The following MTURN variants were observed in gnomAD, a reference collection of about 807,000 sequenced individuals.
The protein encoded by MTURN is maturin.
A neutral mutation model predicts 14.9 loss-of-function variants in MTURN; 7 were observed. The ratio of observed to expected loss-of-function variants is 0.47; its 90% CI spans 0.27 to 0.88. MTURN has a LOEUF of 0.88. MTURN is among the 40% of genes least tolerant of loss of function. The pLI is 0.14. For missense variants in MTURN, 151 were observed against 174.1 expected, an observed-to-expected ratio of 0.87 and a Z score of 0.75; for synonymous variants, 69 against 72.5, an observed-to-expected ratio of 0.95 and a Z score of 0.25.
intron 1 of MTURN, among the ~76,000 whole-genome samples, chr7:30,143,049 C>T (rs968944106): frequency 6.6e-5 from 10 of 152,184 alleles, no homozygotes; most frequent in African/African-American, 2.4e-4. Context: ...ATCCTGTTCT[C>T]AGGAGCACCA....
chr7:30,145,040 G>A (rs544614179), intron 1 of MTURN, among the ~76,000 whole-genome samples: 13 of 144,560 alleles, frequency 9.0e-5, no homozygotes, highest in East Asian at 4.0e-4. Context: ...TGGAAGCCCC[G>A]TGTCCCTGAC....
rs1250618212 is a variant in MTURN at position 30,160,037 on chromosome 7, T to TC, written c.*2490dup. The TC allele has an allele frequency of 6.6e-6, 1 of 152,356 alleles. No individual in the cohort carries two copies. Among genetic ancestry groups the TC allele is most frequent in the Non-Finnish European group, 1.5e-5 (1 of 68,138 alleles). 9.4% of individuals were successfully genotyped at this position (152,356 alleles called of 1,614,324 possible). ...GCAGGAGAGACACCTGGGTTCTAGTTCAAGTCGGCCAAGGACTGTGTGACC... is the reference window on the plus strand; with the variant it reads ...GCAGGAGAGACACCTGGGTTCTAGTTCCAAGTCGGCCAAGGACTGTGTGACC... On this transcript the variant is annotated 3_prime_UTR_variant, in exon 3 of 3. Coordinates refer to ENST00000324453, the MANE Select transcript of MTURN (RefSeq NM_152793.3).
intron 1 of MTURN, among the ~76,000 whole-genome samples, chr7:30,136,503 T>G (rs1334498813): frequency 6.6e-6 from 1 of 152,142 alleles, no homozygotes; most frequent in Non-Finnish European, 1.5e-5. Context: ...GAGACAAAGC[T>G]GGGCCGTGGT....
At chr7:30,155,878 G>A (rs190517457) in intron 2 of MTURN, among the ~76,000 whole-genome samples, 12 of 152,284 alleles carry the variant, frequency 7.9e-5, no homozygotes, top group African/African-American at 2.6e-4. Flanking sequence ...AGAGAGGAAG[G>A]GGGTGGCAGG....
chr7:30,138,280 A>T (rs1375001499), intron 1 of MTURN, among the ~76,000 whole-genome samples: 1 of 151,986 alleles, frequency 6.6e-6, no homozygotes, highest in Non-Finnish European at 1.5e-5. Flanking sequence ...ACGCCCAGCT[A>T]ATTTTTCTAT....
At chr7:30,141,926 A>G (rs914320199) in intron 1 of MTURN, among the ~76,000 whole-genome samples, 12 of 152,192 alleles carry the variant, frequency 7.9e-5, no homozygotes, top group African/African-American at 2.9e-4. Context: ...TGAGTCCCAG[A>G]GCAAGGGCCC....
chr7:30,137,762 T>C (rs887728210), intron 1 of MTURN: 4 of 446,878 alleles, frequency 9.0e-6, no homozygotes, highest in Non-Finnish European at 1.9e-5. Flanking sequence ...CCCTGGAAAA[T>C]GTATTAAGCA....
chr7:30,151,412 A>G (rs1797210316), intron 2 of MTURN, among the ~76,000 whole-genome samples: 1 of 152,212 alleles, frequency 6.6e-6, no homozygotes, highest in Admixed American at 6.5e-5. Flanking sequence ...AGAATGAAAC[A>G]ATGGTTACGG....
chr7:30,149,753 G>C (rs1797180694), intron 2 of MTURN, among the ~76,000 whole-genome samples: 1 of 152,192 alleles, frequency 6.6e-6, no homozygotes, highest in Admixed American at 6.5e-5. Flanking sequence ...TTATCAAGTG[G>C]GTAAAACCAG....
At chr7:30,156,153 A>G (rs974499242) in intron 2 of MTURN, among the ~76,000 whole-genome samples, 1 of 152,156 alleles carries the variant, frequency 6.6e-6, no homozygotes, top group Non-Finnish European at 1.5e-5. Flanking sequence ...GTTCATACTG[A>G]TCAGGCCTAG....
At chr7:30,141,810 A>T (rs1448753803) in intron 1 of MTURN, among the ~76,000 whole-genome samples, 1 of 152,172 alleles carries the variant, frequency 6.6e-6, no homozygotes, top group Non-Finnish European at 1.5e-5. Context: ...GGTGTGAGCC[A>T]CCAGGCCTGG....
In MTURN at chr7:30,161,751, C is replaced by A. The variant is rs139173347; in HGVS notation, c.*4203C>A. The A allele has an allele frequency of 1.3e-5, 2 of 152,346 alleles. No individual in the cohort carries two copies. The highest frequency in any genetic ancestry group is 2.1e-4 in the South Asian group (1 of 4,826). The allele number at this position is 152,346 out of a possible 1,614,324, so 9.4% of individuals were successfully genotyped here. A position where few individuals can be genotyped will look rare whatever the true frequency, so the allele number is the denominator to read the frequency against. On this transcript the variant is annotated 3_prime_UTR_variant, in exon 3 of 3. Transcript: ENST00000324453. ...TCCAAAGAGATGCCATTGCTGATCA[C>A]CCAGTCTTCGGAGAAGCCTAAAATT...
chr7:30,144,565 C>T (rs941725490), intron 1 of MTURN, among the ~76,000 whole-genome samples: 2 of 152,148 alleles, frequency 1.3e-5, no homozygotes, highest in Non-Finnish European at 2.9e-5. Flanking sequence ...AGCTAGAGAG[C>T]CCAGACGTTG....
chr7:30,151,458 C>T (rs939881095), intron 2 of MTURN, among the ~76,000 whole-genome samples: 19 of 152,194 alleles, frequency 1.2e-4, no homozygotes, highest in African/African-American at 4.6e-4. Context: ...TCAGTTTTCC[C>T]CACCATCTTT....
chr7:30,151,769 T>C (rs147667182), intron 2 of MTURN, among the ~76,000 whole-genome samples: 80 of 152,284 alleles, frequency 5.3e-4, no homozygotes, highest in Non-Finnish European at 9.1e-4. Flanking sequence ...CTGTGGTCCT[T>C]GTAGATTCTC....
At chr7:30,145,799 T>G in intron 1 of MTURN, 3 of 1,507,504 alleles carry the variant, frequency 2.0e-6, no homozygotes, top group Non-Finnish European at 2.7e-6. Context: ...AAAGCAAAGT[T>G]AAGGATTTTG....
At chr7:30,141,583 G>A (rs1404998984) in intron 1 of MTURN, among the ~76,000 whole-genome samples, 1 of 152,026 alleles carries the variant, frequency 6.6e-6, no homozygotes, top group Non-Finnish European at 1.5e-5. Context: ...GAGTACAATG[G>A]TGTGATCAGA....
At chr7:30,147,522 C>A (rs1027247567) in intron 2 of MTURN, among the ~76,000 whole-genome samples, 1 of 152,176 alleles carries the variant, frequency 6.6e-6, no homozygotes, top group African/African-American at 2.4e-5. Flanking sequence ...GGTGTATAGT[C>A]TGCTCCTTTG....
Position 30,157,458 on chromosome 7 carries a change from A to C in MTURN, c.306A>C (p.Ala102=), listed in dbSNP as rs561525372. Residue 102 remains alanine (A), a synonymous_variant, in exon 3 of 3, where the codon GCA becomes GCC. Transcript: ENST00000324453. ...TGTAGTTACTGGGGCTTCCGGATGCAGATGACGATGCGTTTGAAGAGTACA... is the reference window on the plus strand; with the variant it reads ...TGTAGTTACTGGGGCTTCCGGATGCCGATGACGATGCGTTTGAAGAGTACA... The part of the protein sequence containing the change: ...SFRPLLGLPD[A]DDDAFEEYSA... The C allele has an allele frequency of 3.7e-6, 6 of 1,601,926 alleles. No homozygotes were observed. Among genetic ancestry groups the C allele is most frequent in the East Asian group, 2.3e-5 (1 of 43,686 alleles).
Sources: allele counts gnomAD v4.1 joint callset (sites outside exome capture counted in the v4.1 genomes callset), GRCh38; gene constraint gnomAD v4.1.1; transcripts MANE v1.5; gene names NCBI Gene and HGNC (gene_info 2026-07-23, HGNC 2026-07-21).